The following SIK2 variants were observed in gnomAD, a reference collection of about 807,000 sequenced individuals.
SIK2 encodes salt inducible kinase 2.
In SIK2, 29 loss-of-function variants were observed where a neutral mutation model predicts 103.2. The observed-to-expected ratio is 0.28, with a 90% CI of 0.21 to 0.38. The LOEUF (loss-of-function observed/expected upper bound fraction) is 0.38, where lower values mean the gene tolerates loss of function less well. Ranked by LOEUF, SIK2 falls within the 10% of genes least tolerant of loss-of-function variation. SIK2 has a pLI of 1.00. For synonymous variants in SIK2, 412 were observed against 446.1 expected (o/e 0.92, Z 0.96); for missense variants, 879 against 1,171.0 (o/e 0.75, Z 3.64).
intron 9 of SIK2, among the ~76,000 whole-genome samples, chr11:111,719,450 A>AG (rs1271577863): frequency 7.9e-5 from 12 of 151,164 alleles, no homozygotes; most frequent in African/African-American, 2.7e-4. Context: ...TTAAAAAAAA[A>AG]TAATAACTGG....
At chr11:111,668,179 AGTGT>A (rs112931431) in intron 3 of SIK2, among the ~76,000 whole-genome samples, 4 of 151,030 alleles carry the variant, frequency 2.6e-5, no homozygotes, top group African/African-American at 9.8e-5. Flanking sequence ...TAAAGTAAGG[AGTGT>A]GTGTGTGTGT....
chr11:111,669,250 A>G (rs984771841), intron 3 of SIK2, among the ~76,000 whole-genome samples: 12 of 152,148 alleles, frequency 7.9e-5, no homozygotes, highest in Non-Finnish European at 2.9e-5. Context: ...GCTAGAGGAA[A>G]TACATTTGTA....
rs370480371 is a variant in SIK2 at position 111,660,595 on chromosome 11, T to C, written c.317-27406T>C. On this transcript the variant is annotated intron_variant, in intron 3 of 14. Transcript: ENST00000304987. Reference sequence around the variant, plus strand: ...TTGAGATCAGTCTTCTGAAATCTTATAGATACAGTCCTTCCTCAGATTTTC... The same window carrying C: ...TTGAGATCAGTCTTCTGAAATCTTACAGATACAGTCCTTCCTCAGATTTTC... 3.3e-5 allele frequency among the ~76,000 whole-genome samples: 5 copies of C among 152,342 alleles called. No homozygotes were observed. In the South Asian group the frequency reaches 8.3e-4, roughly 25 times the overall value.
At chr11:111,717,231 G>C (rs904927316) in intron 9 of SIK2, among the ~76,000 whole-genome samples, 2 of 149,190 alleles carry the variant, frequency 1.3e-5, no homozygotes, top group Non-Finnish European at 3.0e-5. Flanking sequence ...CAGGAGAATG[G>C]CGTGAACCTG....
At chr11:111,656,236 A>G (rs911481484) in intron 3 of SIK2, among the ~76,000 whole-genome samples, 4 of 152,148 alleles carry the variant, frequency 2.6e-5, no homozygotes, top group Non-Finnish European at 5.9e-5. Context: ...GACATTGACA[A>G]TTACTGTTTT....
Position 111,727,281 on chromosome 11 carries a change from T to C in SIK2, c.*3152T>C. On this transcript the variant is annotated 3_prime_UTR_variant, in exon 15 of 15. Transcript: ENST00000304987. ...GGGAGTGGGGATGGGGCTCAGGGGC[T>C]GTTCATGCCCATCTGAGCAAACCCC... is the stretch of plus-strand genomic sequence containing the variant. 1 of 578,136 alleles carries C rather than the reference T, an allele frequency of 1.7e-6. No homozygotes were observed. 35.8% of individuals were successfully genotyped at this position (578,136 alleles called of 1,614,324 possible).
chr11:111,671,567 T>C, intron 3 of SIK2: 1 of 327,898 alleles, frequency 3.0e-6, no homozygotes, highest in Non-Finnish European at 5.8e-6. Flanking sequence ...TTGGCCTGGC[T>C]GTGATTGGAG....
intron 4 of SIK2, among the ~76,000 whole-genome samples, chr11:111,698,154 T>C (rs1327072000): frequency 1.3e-5 from 2 of 152,222 alleles, no homozygotes; most frequent in African/African-American, 2.4e-5. Flanking sequence ...ATATTCATAT[T>C]ACCTACAGAA....
At position 111,688,254 on chromosome 11, in the gene SIK2, A is replaced by G; in HGVS notation, c.478+92A>G. 7.8e-7 allele frequency: 1 copy of G among 1,279,980 alleles called. No individual in the cohort carries two copies. The allele number at this position is 1,279,980 out of a possible 1,614,324, so 79.3% of individuals were successfully genotyped here. On this transcript the variant is annotated intron_variant, in intron 4 of 14. Coordinates refer to ENST00000304987, the MANE Select transcript of SIK2 (RefSeq NM_015191.3). The surrounding 1 kb of genome is among the most constrained non-coding windows in gnomAD (Gnocchi z 4.2). ...GACCTGCAGGCGCAGATTCAGCAGC[A>G]TTTCTACCTGATGACATCAGGCTAT...
Position 111,621,022 on chromosome 11 carries a change from G to A in SIK2, c.316+620G>A, listed in dbSNP as rs966567035. ...TTTATTTTTACTGTGTGGAACCAGA[G>A]CACTGTAGGTATCTAAATCTTTTTT... is the stretch of plus-strand genomic sequence containing the variant. On this transcript the variant is annotated intron_variant, in intron 3 of 14. Transcript: ENST00000304987. Among the ~76,000 whole-genome samples the A allele has an allele frequency of 3.3e-5, 5 of 152,200 alleles. No individual in the cohort carries two copies. The East Asian group carries it at 9.6e-4, about 29-fold the overall frequency.
At chr11:111,623,964 A>G (rs1232929571) in intron 3 of SIK2, among the ~76,000 whole-genome samples, 1 of 152,160 alleles carries the variant, frequency 6.6e-6, no homozygotes. Context: ...TGGAACATTC[A>G]TGGTCTCGCC....
At chr11:111,702,767 G>GCTA (rs1209379974) in intron 6 of SIK2, among the ~76,000 whole-genome samples, 2 of 152,208 alleles carry the variant, frequency 1.3e-5, no homozygotes, top group Non-Finnish European at 2.9e-5. Context: ...ACTTTTCTCA[G>GCTA]CTACAGTGAT....
At chr11:111,626,710 C>CA (rs33939540) in intron 3 of SIK2, among the ~76,000 whole-genome samples, 52,001 of 147,426 alleles carry the variant, frequency 0.35, 10,517 homozygotes, top group African/African-American at 0.56. Context: ...CCATTAACTA[C>CA]AAAAAAAAAA....
At chr11:111,667,125 T>A (rs1298286707) in intron 3 of SIK2, among the ~76,000 whole-genome samples, 1 of 151,852 alleles carries the variant, frequency 6.6e-6, no homozygotes, top group African/African-American at 2.4e-5. Context: ...ATTTTTGTAT[T>A]TTTAGTAGAG....
At chr11:111,720,126 A>T (rs1943758206) in intron 10 of SIK2, 123 bp downstream of exon 10, 2 of 965,994 alleles carry the variant, frequency 2.1e-6, no homozygotes, top group Non-Finnish European at 3.1e-6. Context: ...TCCTTTATGG[A>T]TTAGATTCAG....
At chr11:111,713,897 G>A (rs544017828) in intron 9 of SIK2, among the ~76,000 whole-genome samples, 11 of 152,308 alleles carry the variant, frequency 7.2e-5, no homozygotes, top group East Asian at 3.9e-4. Flanking sequence ...AACCCAGGAA[G>A]TGGAGGTTGC....
At chr11:111,646,156 A>T (rs1370929783) in intron 3 of SIK2, among the ~76,000 whole-genome samples, 2 of 152,136 alleles carry the variant, frequency 1.3e-5, no homozygotes, top group Non-Finnish European at 2.9e-5. Flanking sequence ...ATGCATTTAA[A>T]GTACTCAGCT....
rs1591652952 is a variant in SIK2 at position 111,724,803 on chromosome 11, G to C, written c.*674G>C. 6.6e-6 allele frequency: 1 copy of C among 152,486 alleles called. No individual in the cohort carries two copies. The highest frequency in any genetic ancestry group is 2.4e-5 in the African/African-American group (1 of 41,456). The allele number at this position is 152,486 out of a possible 1,614,324, so 9.4% of individuals were successfully genotyped here. A position where few individuals can be genotyped will look rare whatever the true frequency, so the allele number is the denominator to read the frequency against. On this transcript the variant is annotated 3_prime_UTR_variant, in exon 15 of 15. Coordinates refer to ENST00000304987, the MANE Select transcript of SIK2 (RefSeq NM_015191.3). ...AGCAGGTGACACACCCCTTCAGAAG[G>C]TGCCCTGGGTTGCCGAGTGTCAGAA...
Position 111,724,168 on chromosome 11 carries a change from AGT to A in SIK2, c.*42_*43del. 6.3e-7 allele frequency: 1 copy of A among 1,579,746 alleles called. No individual in the cohort carries two copies. Among genetic ancestry groups the A allele is most frequent in the Non-Finnish European group, 8.6e-7 (1 of 1,166,022 alleles). ...ATTGAGGTGGGTCAGGTGAAGGAAG[AGT>A]GTATGTTCCTATTTTTATTCCAGCC... On this transcript the variant is annotated 3_prime_UTR_variant, in exon 15 of 15. Transcript: ENST00000304987.
Sources: allele counts gnomAD v4.1 joint callset (sites outside exome capture counted in the v4.1 genomes callset), GRCh38; gene constraint gnomAD v4.1.1; non-coding constraint Gnocchi (gnomAD v3.1); transcripts MANE v1.5; gene names NCBI Gene and HGNC (gene_info 2026-07-23, HGNC 2026-07-21).